Variants in CDH12 observed in about 807,000 individuals in gnomAD.
CDH12 encodes cadherin-12.
In CDH12, 41 loss-of-function variants were observed where a neutral mutation model predicts 74.1. The observed-to-expected ratio is 0.55, with a 90% CI of 0.43 to 0.72. The LOEUF (loss-of-function observed/expected upper bound fraction) is 0.72, where lower values mean the gene tolerates loss of function less well. CDH12 is among the 30% of genes least tolerant of loss of function. The pLI, the probability that CDH12 is intolerant of heterozygous loss-of-function variation, is 0.00. For missense variants in CDH12, 945 were observed against 977.2 expected, an observed-to-expected ratio of 0.97 and a Z score of 0.44; for synonymous variants, 399 against 355.0, an observed-to-expected ratio of 1.12 and a Z score of -1.39.
At chr5:21,794,229 T>C (rs1004214553) in intron 10 of CDH12, among the ~76,000 whole-genome samples, 2 of 151,700 alleles carry the variant, frequency 1.3e-5, no homozygotes, top group African/African-American at 4.8e-5. Context: ...TGTAGTCCAG[T>C]TGATCTCTAT....
At chr5:22,362,419 A>G (rs1260443577) in intron 3 of CDH12, among the ~76,000 whole-genome samples, 7 of 152,168 alleles carry the variant, frequency 4.6e-5, no homozygotes, top group Non-Finnish European at 1.0e-4. Flanking sequence ...ATCATTAAAA[A>G]GTCAGGAAAC....
intron 4 of CDH12, among the ~76,000 whole-genome samples, chr5:22,158,669 T>C (rs1468072569): frequency 2.0e-5 from 3 of 152,144 alleles, no homozygotes; most frequent in Admixed American, 6.5e-5. Context: ...ATATTAGCCG[T>C]GTACACCTTA....
chr5:22,403,785 A>C (rs1742827669), intron 3 of CDH12, among the ~76,000 whole-genome samples: 2 of 152,190 alleles, frequency 1.3e-5, no homozygotes, highest in African/African-American at 4.8e-5. Flanking sequence ...TTGCAGTAGT[A>C]AGACATTGTA....
intron 6 of CDH12, among the ~76,000 whole-genome samples, chr5:21,894,250 G>A (rs1314497163): frequency 6.6e-6 from 1 of 151,908 alleles, no homozygotes; most frequent in Non-Finnish European, 1.5e-5. Flanking sequence ...ATGGTGGCAT[G>A]AGCCTGTAGT....
chr5:21,781,073 C>A (rs1745879728), intron 11 of CDH12, among the ~76,000 whole-genome samples: 1 of 152,048 alleles, frequency 6.6e-6, no homozygotes, highest in African/African-American at 2.4e-5. Flanking sequence ...GCCTAACTGC[C>A]CAAAGAGGGC....
chr5:21,816,135 T>A (rs1748027016), intron 9 of CDH12, among the ~76,000 whole-genome samples: 1 of 152,092 alleles, frequency 6.6e-6, no homozygotes, highest in South Asian at 2.1e-4. Flanking sequence ...TGGATTTTCC[T>A]CTGCCTCTGC....
intron 2 of CDH12, among the ~76,000 whole-genome samples, chr5:22,425,166 T>C (rs919382079): frequency 1.5e-5 from 2 of 134,370 alleles, no homozygotes; most frequent in Non-Finnish European, 3.1e-5. Flanking sequence ...TATATATATA[T>C]ATATAAATAT....
intron 5 of CDH12, among the ~76,000 whole-genome samples, chr5:21,983,839 C>G (rs1009797456): frequency 4.6e-5 from 7 of 152,080 alleles, no homozygotes. Flanking sequence ...AAATTTAATA[C>G]ACACAAATTG....
intron 6 of CDH12, among the ~76,000 whole-genome samples, chr5:21,899,846 A>C (rs1753301693): frequency 6.6e-6 from 1 of 151,888 alleles, no homozygotes; most frequent in African/African-American, 2.4e-5. Flanking sequence ...ATATAATTTT[A>C]ATACTTGTGA....
intron 1 of CDH12, among the ~76,000 whole-genome samples, chr5:22,722,207 T>C (rs1469068857): frequency 1.3e-5 from 2 of 152,240 alleles, no homozygotes; most frequent in African/African-American, 2.4e-5. Flanking sequence ...ACATCTCTTA[T>C]GCAACCCTAT....
intron 1 of CDH12, among the ~76,000 whole-genome samples, chr5:22,759,657 C>T (rs1010691150): frequency 6.6e-6 from 1 of 152,132 alleles, no homozygotes; most frequent in Non-Finnish European, 1.5e-5. Context: ...TAAATGAAAC[C>T]CTATAAATAT....
intron 3 of CDH12, among the ~76,000 whole-genome samples, chr5:22,334,525 T>G (rs1411420143): frequency 1.3e-5 from 2 of 151,974 alleles, no homozygotes; most frequent in African/African-American, 2.4e-5. Flanking sequence ...TATAGGGAAA[T>G]ACAAAAGACC....
intron 6 of CDH12, among the ~76,000 whole-genome samples, chr5:21,899,896 T>C (rs1235410029): frequency 1.3e-5 from 2 of 152,012 alleles, no homozygotes; most frequent in Admixed American, 1.3e-4. Flanking sequence ...CTATATAATT[T>C]CCATTATAAA....
chr5:22,430,153 C>A (rs1318634357), intron 2 of CDH12, among the ~76,000 whole-genome samples: 2 of 152,026 alleles, frequency 1.3e-5, no homozygotes, highest in Non-Finnish European at 2.9e-5. Context: ...TCTGCTAAAT[C>A]AATTTGTTAG....
At chr5:21,787,396 T>A (rs1219157335) in intron 10 of CDH12, among the ~76,000 whole-genome samples, 2 of 136,820 alleles carry the variant, frequency 1.5e-5, no homozygotes, top group African/African-American at 5.2e-5. Context: ...GCTCAGGTGA[T>A]CTTCAATGTT....
intron 8 of CDH12, among the ~76,000 whole-genome samples, chr5:21,828,901 C>T (rs78185450): frequency 8.2e-6 from 1 of 121,326 alleles, no homozygotes. Flanking sequence ...CCCTTTAAAT[C>T]CTATGTCTTT....
intron 1 of CDH12, among the ~76,000 whole-genome samples, chr5:22,590,895 C>A (rs1245220401): frequency 1.3e-5 from 2 of 152,092 alleles, no homozygotes; most frequent in Non-Finnish European, 2.9e-5. Context: ...GACACTAAAG[C>A]TATGTATTTT....
At chr5:22,477,052 T>C (rs1309099816) in intron 2 of CDH12, among the ~76,000 whole-genome samples, 1 of 152,168 alleles carries the variant, frequency 6.6e-6, no homozygotes, top group Non-Finnish European at 1.5e-5. Context: ...TCAACGGTTA[T>C]ACACACGCAT....
chr5:22,405,288 C>T lies in CDH12; in HGVS notation c.-364G>A, dbSNP rs1260784840. 1.0e-6 allele frequency: 1 copy of T among 977,260 alleles called. No individual in the cohort carries two copies. Among genetic ancestry groups the T allele is most frequent in the Non-Finnish European group, 1.2e-6 (1 of 822,462 alleles). The allele number at this position is 977,260 out of a possible 1,614,324, so 60.5% of individuals were successfully genotyped here. A position where few individuals can be genotyped will look rare whatever the true frequency, so the allele number is the denominator to read the frequency against. On this transcript the variant is annotated 5_prime_UTR_variant, in exon 3 of 15. Transcript: ENST00000382254. Reference sequence around the variant, plus strand: ...GAGGCAATTTATTTTCTAAGGCCAGCTTATGTATCTCAAATTGTTTTGACC... The same window carrying T: ...GAGGCAATTTATTTTCTAAGGCCAGTTTATGTATCTCAAATTGTTTTGACC...
Sources: allele counts gnomAD v4.1 joint callset (sites outside exome capture counted in the v4.1 genomes callset), GRCh38; gene constraint gnomAD v4.1.1; transcripts MANE v1.5; gene names NCBI Gene and HGNC (gene_info 2026-07-23, HGNC 2026-07-21).